Variants in GRIK2 observed in about 807,000 individuals in gnomAD.
The protein encoded by GRIK2 is glutamate ionotropic receptor kainate type subunit 2, also known as glutamate receptor ionotropic, kainate 2.
GRIK2 carries 32 observed loss-of-function variants against 100.3 expected under a neutral mutation model. The observed-to-expected ratio is 0.32, with a 90% confidence interval of 0.24 to 0.43. The LOEUF is 0.43. GRIK2 is among the 20% of genes least tolerant of loss of function. The probability of loss-of-function intolerance (pLI) is 1.00; values close to 1 mark genes in which losing one functional copy is unlikely to be tolerated. For missense variants in GRIK2, 843 were observed against 1,114.9 expected (o/e 0.76, Z 3.47); for synonymous variants, 417 against 389.4 (o/e 1.07, Z -0.83).
At chr6:101,722,943 A>G (rs974001317) in intron 7 of GRIK2, among the ~76,000 whole-genome samples, 15 of 152,048 alleles carry the variant, frequency 9.9e-5, no homozygotes, top group Non-Finnish European at 2.1e-4. Flanking sequence ...TAAGGGTCCA[A>G]TCCTTCTTAT....
chr6:101,466,618 G>A (rs1361190920), intron 2 of GRIK2, among the ~76,000 whole-genome samples: 2 of 150,116 alleles, frequency 1.3e-5, no homozygotes, highest in African/African-American at 4.9e-5. Flanking sequence ...AGCTTTTTCT[G>A]TGTTCACATT....
intron 2 of GRIK2, among the ~76,000 whole-genome samples, chr6:101,474,759 G>A (rs975232803): frequency 6.6e-6 from 1 of 151,556 alleles, no homozygotes; most frequent in Non-Finnish European, 1.5e-5. Flanking sequence ...TGTTAGCTAC[G>A]CAAGTCATAG....
chr6:101,731,082 GT>G (rs1775236050), intron 7 of GRIK2, among the ~76,000 whole-genome samples: 1 of 151,948 alleles, frequency 6.6e-6, no homozygotes. Context: ...CTTCTATGCA[GT>G]TGCAGTCCAA....
intron 12 of GRIK2, among the ~76,000 whole-genome samples, chr6:101,910,590 A>C (rs1788607514): frequency 6.6e-6 from 1 of 151,392 alleles, no homozygotes; most frequent in Non-Finnish European, 1.5e-5. Context: ...GAAAGAACAT[A>C]GACCTAATCA....
At chr6:101,505,127 A>G (rs4840191) in intron 2 of GRIK2, among the ~76,000 whole-genome samples, 38,575 of 151,538 alleles carry the variant, frequency 0.25, 5,064 homozygotes, top group Middle Eastern at 0.32. Context: ...TATTTGGTCA[A>G]TTTGATATCT....
intron 7 of GRIK2, among the ~76,000 whole-genome samples, chr6:101,781,925 T>G (rs1779121506): frequency 6.6e-6 from 1 of 152,152 alleles, no homozygotes; most frequent in Non-Finnish European, 1.5e-5. Flanking sequence ...TGGGTTCTGA[T>G]GAAAGCCCTC....
At chr6:101,553,465 G>T (rs1330708791) in intron 2 of GRIK2, among the ~76,000 whole-genome samples, 1 of 151,974 alleles carries the variant, frequency 6.6e-6, no homozygotes, top group East Asian at 1.9e-4. Flanking sequence ...ACATTTTCTG[G>T]TAGCTAGTAT....
chr6:101,502,441 C>A (rs948321976), intron 2 of GRIK2, among the ~76,000 whole-genome samples: 1 of 151,528 alleles, frequency 6.6e-6, no homozygotes, highest in African/African-American at 2.4e-5. Flanking sequence ...TGTAGTCATG[C>A]AATGTGAATG....
chr6:101,839,413 C>T (rs2518264), intron 10 of GRIK2, among the ~76,000 whole-genome samples: 43,801 of 152,020 alleles, frequency 0.29, 9,177 homozygotes, highest in East Asian at 0.68. Flanking sequence ...AGTAGTCTAC[C>T]ACTGATGTAG....
intron 2 of GRIK2, among the ~76,000 whole-genome samples, chr6:101,532,129 A>G (rs1775472161): frequency 6.6e-6 from 1 of 151,838 alleles, no homozygotes; most frequent in Admixed American, 6.6e-5. Flanking sequence ...TGGTCTATCT[A>G]TCTAATTTCA....
intron 15 of GRIK2, among the ~76,000 whole-genome samples, chr6:102,050,925 T>C (rs189692522): frequency 6.6e-6 from 1 of 152,288 alleles, no homozygotes; most frequent in African/African-American, 2.4e-5. Context: ...CTGTTTATAA[T>C]AATCACAGTT....
chr6:101,465,752 A>G lies in GRIK2; in HGVS notation c.115+66360A>G, dbSNP rs957916991. On this transcript the variant is annotated intron_variant, in intron 2 of 16. Coordinates refer to ENST00000369134, the MANE Select transcript of GRIK2 (RefSeq NM_021956.5). ...AAAATATTACTCTTCTAGCTGAGACACATCAAGCGGGACACCGATGTTATT... is the reference window on the plus strand; with the variant it reads ...AAAATATTACTCTTCTAGCTGAGACGCATCAAGCGGGACACCGATGTTATT... Among the ~76,000 whole-genome samples, 3 of 152,212 alleles carry G rather than the reference A, an allele frequency of 2.0e-5. No homozygotes were observed. The East Asian group carries it at 5.8e-4, about 29-fold the overall frequency.
At chr6:101,593,885 G>A (rs926344173) in intron 2 of GRIK2, among the ~76,000 whole-genome samples, 3 of 151,590 alleles carry the variant, frequency 2.0e-5, no homozygotes, top group East Asian at 1.9e-4. Flanking sequence ...GATAGATTGC[G>A]CTATAAGTAT....
At chr6:101,669,195 CTTTAA>C (rs547830771) in intron 4 of GRIK2, among the ~76,000 whole-genome samples, 4 of 152,120 alleles carry the variant, frequency 2.6e-5, no homozygotes, top group African/African-American at 9.6e-5. Flanking sequence ...GAAGGGGACA[CTTTAA>C]TTAAAAGGCT....
chr6:101,790,651 T>C (rs1418983187), intron 7 of GRIK2, among the ~76,000 whole-genome samples: 6 of 148,690 alleles, frequency 4.0e-5, no homozygotes, highest in Admixed American at 3.4e-4. Context: ...TCATCAAGGA[T>C]ATTGGTCTAA....
chr6:101,715,517 C>G (rs1424712116), intron 7 of GRIK2, among the ~76,000 whole-genome samples: 3 of 151,772 alleles, frequency 2.0e-5, no homozygotes, highest in Non-Finnish European at 4.4e-5. Context: ...GACACATAAA[C>G]TGTCAGTATT....
At position 101,661,006 on chromosome 6, in the gene GRIK2, G is replaced by A. The variant is rs145927632; in HGVS notation, c.542-15617G>A. 7.9e-3 allele frequency among the ~76,000 whole-genome samples: 1,197 copies of A among 152,272 alleles called. 14 individuals carry two copies. The highest frequency in any genetic ancestry group is 0.026 in the African/African-American group (1,068 of 41,560). On this transcript the variant is annotated intron_variant, in intron 4 of 16. Coordinates refer to ENST00000369134, the MANE Select transcript of GRIK2 (RefSeq NM_021956.5). ...TTCCTTAGCAGAGCTCGAATGCTAT[G>A]CTGGGAGATCTGCTGCTCTCTTCAG...
At chr6:101,518,751 A>G (rs1055775878) in intron 2 of GRIK2, among the ~76,000 whole-genome samples, 4 of 152,186 alleles carry the variant, frequency 2.6e-5, no homozygotes, top group East Asian at 3.8e-4. Context: ...AAAGATGCCT[A>G]TAAAAGTTAC....
chr6:102,067,767 T>C (rs1772089459), intron 16 of GRIK2, among the ~76,000 whole-genome samples: 1 of 151,910 alleles, frequency 6.6e-6, no homozygotes, highest in Admixed American at 6.6e-5. Context: ...TTAAGTCATA[T>C]TTGTTTGTAA....
Sources: gnomAD v4.1 joint callset for allele counts (sites outside exome capture counted in the v4.1 genomes callset) on GRCh38, gnomAD v4.1.1 for gene constraint, MANE v1.5 for transcripts, NCBI Gene and HGNC (gene_info 2026-07-23, HGNC 2026-07-21) for gene names.